NEGR1: variants seen among roughly 807,000 people sequenced by gnomAD.
NEGR1 encodes the protein IgLON family member 4.
In NEGR1, 10 loss-of-function variants were observed where a neutral mutation model predicts 40.9. The observed-to-expected ratio is 0.24, with a 90% CI of 0.15 to 0.42. The LOEUF (loss-of-function observed/expected upper bound fraction) is 0.42. Ranked by LOEUF, NEGR1 falls within the 10% of genes least tolerant of loss-of-function variation. The pLI is 1.00. For synonymous variants in NEGR1, 185 were observed against 166.8 expected, an observed-to-expected ratio of 1.11 and a Z score of -0.84; for missense variants, 352 against 438.9, an observed-to-expected ratio of 0.80 and a Z score of 1.77.
intron 1 of NEGR1, among the ~76,000 whole-genome samples, chr1:72,031,028 G>A (rs915419747): frequency 5.9e-5 from 9 of 152,162 alleles, no homozygotes; most frequent in African/African-American, 1.9e-4. Context: ...GGGGCAACTG[G>A]AGTTAGACTG....
chr1:72,115,914 T>G (rs1039991647), intron 1 of NEGR1, among the ~76,000 whole-genome samples: 1 of 151,812 alleles, frequency 6.6e-6, no homozygotes, highest in African/African-American at 2.4e-5. Flanking sequence ...GAAAGCAATT[T>G]GGGTTGAACC....
intron 6 of NEGR1, among the ~76,000 whole-genome samples, chr1:71,412,811 C>G (rs1405078465): frequency 6.6e-6 from 1 of 151,928 alleles, no homozygotes; most frequent in Non-Finnish European, 1.5e-5. Context: ...AGATTTAAAA[C>G]TAACAGAGAG....
rs187013738 is a variant in NEGR1 at position 72,087,259 on chromosome 1, A to C, written c.177-151948T>G. Among the ~76,000 whole-genome samples, 35 of 152,200 alleles carry C rather than the reference A, an allele frequency of 2.3e-4. No individual in the cohort carries two copies. The East Asian group carries it at 6.4e-3, about 28-fold the overall frequency. ...TGGTCAAACCCCGTCTCTACTAAAA[A>C]TACAACAATAACAACAACACAATTA... On this transcript the variant is annotated intron_variant, in intron 1 of 6. Transcript: ENST00000357731.
intron 1 of NEGR1, among the ~76,000 whole-genome samples, chr1:71,999,632 A>AATATATATATATATATCT (rs1646536745): frequency 2.1e-5 from 1 of 48,380 alleles, no homozygotes; most frequent in Non-Finnish European, 4.0e-5. Context: ...GAGCAAAGCA[A>AATATATATATATATATCT]ATATATATAT....
intron 3 of NEGR1, among the ~76,000 whole-genome samples, chr1:71,756,891 A>C (rs1655762416): frequency 6.6e-6 from 1 of 152,104 alleles, no homozygotes; most frequent in Non-Finnish European, 1.5e-5. Context: ...AAAAACCCTC[A>C]AAAACAAAAT....
intron 2 of NEGR1, among the ~76,000 whole-genome samples, chr1:71,792,035 A>C (rs1657137420): frequency 6.6e-6 from 1 of 152,150 alleles, no homozygotes; most frequent in Non-Finnish European, 1.5e-5. Flanking sequence ...TTAGGATGAG[A>C]ATAAATTATA....
intron 1 of NEGR1, among the ~76,000 whole-genome samples, chr1:72,055,114 A>G (rs1319527909): frequency 2.0e-5 from 3 of 151,234 alleles, no homozygotes; most frequent in African/African-American, 7.3e-5. Flanking sequence ...ATTCATTTAT[A>G]ATAAAGTTTT....
chr1:71,763,120 T>A (rs1187151888), intron 3 of NEGR1, among the ~76,000 whole-genome samples: 2 of 152,194 alleles, frequency 1.3e-5, no homozygotes, highest in African/African-American at 4.8e-5. Flanking sequence ...AATAGCCCTG[T>A]ATCTTGATTT....
At chr1:72,184,238 T>C (rs1266180737) in intron 1 of NEGR1, among the ~76,000 whole-genome samples, 1 of 152,104 alleles carries the variant, frequency 6.6e-6, no homozygotes, top group Non-Finnish European at 1.5e-5. Flanking sequence ...GCATAGTGAT[T>C]CTTCTCTGTG....
intron 6 of NEGR1, among the ~76,000 whole-genome samples, chr1:71,413,373 A>G (rs913093946): frequency 6.6e-6 from 1 of 152,190 alleles, no homozygotes; most frequent in Non-Finnish European, 1.5e-5. Context: ...GTTTAACTTG[A>G]GATGCTTTGC....
chr1:72,112,353 T>C (rs1649407640), intron 1 of NEGR1, among the ~76,000 whole-genome samples: 1 of 151,672 alleles, frequency 6.6e-6, no homozygotes, highest in Non-Finnish European at 1.5e-5. Context: ...TCTTCGTTTA[T>C]ACTATTCTTC....
At chr1:71,716,288 G>A (rs2101648481) in intron 3 of NEGR1, among the ~76,000 whole-genome samples, 1 of 152,082 alleles carries the variant, frequency 6.6e-6, no homozygotes, top group East Asian at 1.9e-4. Flanking sequence ...TAAAATTCAA[G>A]GTAAGATTTT....
At chr1:72,015,178 G>A (rs1335062422) in intron 1 of NEGR1, among the ~76,000 whole-genome samples, 7 of 152,028 alleles carry the variant, frequency 4.6e-5, no homozygotes, top group Non-Finnish European at 8.8e-5. Flanking sequence ...AAGAAAAAGT[G>A]TCCCTGAATT....
intron 1 of NEGR1, among the ~76,000 whole-genome samples, chr1:72,251,828 A>G (rs1179190836): frequency 6.6e-6 from 1 of 152,072 alleles, no homozygotes; most frequent in East Asian, 1.9e-4. Flanking sequence ...TTTTCTTATG[A>G]TATTTCTTCA....
chr1:71,611,564 A>G (rs758504412), intron 4 of NEGR1, among the ~76,000 whole-genome samples: 11 of 152,208 alleles, frequency 7.2e-5, no homozygotes, highest in Non-Finnish European at 1.5e-4. Context: ...GCTTGATGGT[A>G]TTATCTCAAT....
chr1:71,480,229 CA>C (rs1327975287), intron 6 of NEGR1, among the ~76,000 whole-genome samples: 1 of 151,840 alleles, frequency 6.6e-6, no homozygotes, highest in Non-Finnish European at 1.5e-5. Flanking sequence ...ATTAAAGCCT[CA>C]AAACAATCCT....
chr1:71,795,659 G>A (rs894643424), intron 2 of NEGR1, among the ~76,000 whole-genome samples: 5 of 152,176 alleles, frequency 3.3e-5, no homozygotes, highest in South Asian at 4.1e-4. Context: ...AAAATGTTAC[G>A]TTGTATAATA....
intron 1 of NEGR1, among the ~76,000 whole-genome samples, chr1:72,144,588 G>C (rs188439680): frequency 2.0e-5 from 3 of 152,048 alleles, no homozygotes; most frequent in Non-Finnish European, 4.4e-5. Flanking sequence ...CAACATTGTA[G>C]AGTTTCACCA....
chr1:71,896,986 T>G (rs1444821702), intron 2 of NEGR1, among the ~76,000 whole-genome samples: 1 of 152,168 alleles, frequency 6.6e-6, no homozygotes, highest in Non-Finnish European at 1.5e-5. Context: ...GATTCAAAGT[T>G]GGTTACCCCA....
Sources: allele counts gnomAD v4.1 joint callset (sites outside exome capture counted in the v4.1 genomes callset), GRCh38; gene constraint gnomAD v4.1.1; transcripts MANE v1.5; gene names NCBI Gene and HGNC (gene_info 2026-07-23, HGNC 2026-07-21).